The following CCDC7 variants were observed in gnomAD, a reference collection of about 807,000 sequenced individuals.
The protein encoded by CCDC7 is coiled-coil domain-containing protein 7.
Under a neutral mutation model 196.9 loss-of-function variants are expected in CCDC7, and 183 were observed. That is an observed-to-expected ratio of 0.93 (90% CI 0.82 to 1.05). CCDC7 has a LOEUF of 1.05. Ranked by LOEUF, CCDC7 falls within the 50% of genes least tolerant of loss-of-function variation. The pLI is 0.00. For missense variants in CCDC7, 1,540 were observed against 1,482.2 expected, an observed-to-expected ratio of 1.04 and a Z score of -0.64; for synonymous variants, 525 against 484.6, an observed-to-expected ratio of 1.08 and a Z score of -1.10.
intron 20 of CCDC7, among the ~76,000 whole-genome samples, chr10:32,635,441 G>A (rs1366070237): frequency 6.6e-6 from 1 of 152,056 alleles, no homozygotes; most frequent in East Asian, 1.9e-4. Flanking sequence ...CTTACTGGAA[G>A]AAATAAACTT....
chr10:32,774,961 A>G (rs1469730767), intron 28 of CCDC7, among the ~76,000 whole-genome samples: 1 of 152,196 alleles, frequency 6.6e-6, no homozygotes, highest in East Asian at 1.9e-4. Context: ...TGCAACTCAC[A>G]TATGTGTCTT....
At chr10:32,707,071 A>G (rs1170287979) in intron 24 of CCDC7, among the ~76,000 whole-genome samples, 2 of 152,230 alleles carry the variant, frequency 1.3e-5, no homozygotes, top group Non-Finnish European at 2.9e-5. Context: ...AAAATCCTCA[A>G]TAAAATACTA....
At chr10:32,620,440 G>A (rs2063287223) in intron 18 of CCDC7, among the ~76,000 whole-genome samples, 1 of 151,366 alleles carries the variant, frequency 6.6e-6, no homozygotes, top group East Asian at 1.9e-4. Context: ...CATAATTTTA[G>A]AGGTATAATT....
At chr10:32,637,511 G>A (rs1339208135) in intron 20 of CCDC7, among the ~76,000 whole-genome samples, 4 of 152,186 alleles carry the variant, frequency 2.6e-5, no homozygotes, top group East Asian at 3.9e-4. Context: ...TCTTGTTTTT[G>A]TCAGGTTTGT....
intron 26 of CCDC7, among the ~76,000 whole-genome samples, chr10:32,727,623 G>A (rs1425059323): frequency 3.3e-5 from 5 of 152,128 alleles, no homozygotes; most frequent in South Asian, 4.2e-4. Context: ...AGGAGAGGGC[G>A]CTTGATTGCC....
chr10:32,679,385 G>T (rs1042361794), intron 21 of CCDC7, among the ~76,000 whole-genome samples: 6 of 152,130 alleles, frequency 3.9e-5, no homozygotes, highest in Non-Finnish European at 1.5e-5. Context: ...TGGCCCAGGG[G>T]TAGTGCTGTT....
At chr10:32,457,683 G>A (rs2034656652) in intron 3 of CCDC7, among the ~76,000 whole-genome samples, 1 of 151,958 alleles carries the variant, frequency 6.6e-6, no homozygotes, top group African/African-American at 2.4e-5. Flanking sequence ...CTGCATCCTT[G>A]TCAGTATTTA....
intron 30 of CCDC7, among the ~76,000 whole-genome samples, chr10:32,811,511 A>C (rs10763895): frequency 0.98 from 149,751 of 152,160 alleles, 73,731 homozygotes; most frequent in Middle Eastern, 1. Flanking sequence ...AGAATAAGTT[A>C]TAAAGTTCCG....
At chr10:32,794,902 G>C (rs1333021414) in intron 29 of CCDC7, among the ~76,000 whole-genome samples, 1 of 152,118 alleles carries the variant, frequency 6.6e-6, no homozygotes, top group Non-Finnish European at 1.5e-5. Context: ...TTCTCTCTAG[G>C]TATGGCAGCC....
intron 28 of CCDC7, among the ~76,000 whole-genome samples, chr10:32,763,419 A>G (rs2077761792): frequency 6.6e-6 from 1 of 151,916 alleles, no homozygotes; most frequent in African/African-American, 2.4e-5. Flanking sequence ...GAAAAACAAT[A>G]GGGAGTTTCT....
chr10:32,491,154 C>T (rs1379425856), intron 8 of CCDC7, among the ~76,000 whole-genome samples: 1 of 152,074 alleles, frequency 6.6e-6, no homozygotes, highest in African/African-American at 2.4e-5. Flanking sequence ...TTCTCAGCTC[C>T]TAAATATTTA....
chr10:32,867,964 T>TATAGACAAAA (rs2094267142), intron 41 of CCDC7, among the ~76,000 whole-genome samples: 1 of 151,926 alleles, frequency 6.6e-6, no homozygotes, highest in African/African-American at 2.4e-5. Context: ...TTCTACTTTT[T>TATAGACAAAA]GTCTCTATAA....
chr10:32,499,877 C>A (rs1171357856), intron 9 of CCDC7, among the ~76,000 whole-genome samples: 1 of 152,120 alleles, frequency 6.6e-6, no homozygotes, highest in East Asian at 1.9e-4. Flanking sequence ...CCATTTAACC[C>A]TTAGTGGACA....
At chr10:32,515,582 C>T (rs17584988) in intron 9 of CCDC7, among the ~76,000 whole-genome samples, 2 of 151,968 alleles carry the variant, frequency 1.3e-5, no homozygotes, top group African/African-American at 2.4e-5. Context: ...CTCGCTCTGT[C>T]GCTCAGGCTG....
chr10:32,695,752 C>T (rs189453527), intron 24 of CCDC7, among the ~76,000 whole-genome samples: 12 of 152,316 alleles, frequency 7.9e-5, no homozygotes, highest in Admixed American at 3.3e-4. Context: ...GTAAGGCGGA[C>T]TGATCTTGAT....
chr10:32,599,449 C>T (rs748889559), intron 18 of CCDC7, among the ~76,000 whole-genome samples: 14 of 152,064 alleles, frequency 9.2e-5, no homozygotes, highest in Admixed American at 2.6e-4. Context: ...TTGCTTTTGT[C>T]ATTATTATAT....
At chr10:32,656,540 A>T (rs535151727) in intron 20 of CCDC7, among the ~76,000 whole-genome samples, 1 of 152,300 alleles carries the variant, frequency 6.6e-6, no homozygotes, top group South Asian at 2.1e-4. Flanking sequence ...AAAGGGGGAA[A>T]GCACCTCAGA....
At chr10:32,668,614 A>C (rs567898662) in intron 21 of CCDC7, among the ~76,000 whole-genome samples, 1 of 152,144 alleles carries the variant, frequency 6.6e-6, no homozygotes, top group South Asian at 2.1e-4. Flanking sequence ...CCTTTTCTGC[A>C]TCTATTGAGA....
At chr10:32,688,210 G>A (rs1291017347) in intron 22 of CCDC7, among the ~76,000 whole-genome samples, 1 of 152,110 alleles carries the variant, frequency 6.6e-6, no homozygotes, top group Non-Finnish European at 1.5e-5. Flanking sequence ...TATGGTAGAA[G>A]CAAACTATTC....
Sources: gnomAD v4.1 joint callset for allele counts (sites outside exome capture counted in the v4.1 genomes callset) on GRCh38, gnomAD v4.1.1 for gene constraint, MANE v1.5 for transcripts, NCBI Gene and HGNC (gene_info 2026-07-23, HGNC 2026-07-21) for gene names.